Variants in CREBZF observed in about 807,000 individuals in gnomAD.
CREBZF encodes CREB/ATF bZIP transcription factor.
In CREBZF, 8 loss-of-function variants were observed where a neutral mutation model predicts 21.1. That is an observed-to-expected ratio of 0.38 (90% CI 0.22 to 0.68). The LOEUF is 0.68. Among genes scored for constraint, CREBZF ranks in the 30% least tolerant of loss-of-function variants. The pLI is 0.51. For missense variants in CREBZF, 518 were observed against 484.3 expected, an observed-to-expected ratio of 1.07 and a Z score of -0.65; for synonymous variants, 270 against 223.3, an observed-to-expected ratio of 1.21 and a Z score of -1.86.
chr11:85,670,270 T>TC (rs113149256), intron 1 of CREBZF, among the ~76,000 whole-genome samples: 3,838 of 55,820 alleles, frequency 0.069, 145 homozygotes, highest in Middle Eastern at 0.12. Context: ...AACACTTTAA[T>TC]CCCCCCCCCC....
In CREBZF at chr11:85,663,639, G is replaced by A. The variant is rs1194625606; in HGVS notation, c.*172C>T. On this transcript the variant is annotated 3_prime_UTR_variant, in exon 1 of 1. Coordinates refer to ENST00000527447, the MANE Select transcript of CREBZF (RefSeq NM_001039618.4). The stretch of plus-strand genomic sequence containing the variant: ...TTTAATAGTCACATGTTATCATTAG[G>A]AGTTGGTTACTGTGTCACATTCATG... 2.5e-6 allele frequency: 4 copies of A among 1,589,270 alleles called. No individual in the cohort carries two copies. Among genetic ancestry groups the A allele is most frequent in the South Asian group, 1.1e-5 (1 of 88,818 alleles).
rs777311621 is a variant in CREBZF, at chr11:85,664,800, C to T, written c.76G>A (p.Ala26Thr). The change falls in exon 1 of 1, where the codon GCT (alanine) becomes ACT (threonine). Residue 26 changes from alanine to threonine, a missense_variant. Coordinates refer to ENST00000527447, the MANE Select transcript of CREBZF (RefSeq NM_001039618.4). The surrounding 1 kb of genome is among the most constrained non-coding windows in gnomAD (Gnocchi z 5.5). ...SPTRSESPEP[A>T]ATCSLPSDLT... The stretch of plus-strand genomic sequence containing the variant: ...TCAGAGGGCAGCGAACAAGTTGCAG[C>T]CGGCTCCGGGCTCTCACTGCGGGTT... The T allele has an allele frequency of 4.4e-6, 7 of 1,577,700 alleles. No individual in the cohort carries two copies. In the South Asian group the frequency reaches 5.7e-5, roughly 13 times the overall value.
rs764579967 is a variant in CREBZF at position 85,663,900 on chromosome 11, C to A, written c.976G>T (p.Gly326Ter). ...DLLEEDDSAG[G>*]VCLHVDKDKV... is the part of the protein sequence containing the mutation. ...TCCTTGTCCACATGGAGACAGACTC[C>A]TCCCGCCGAGTCGTCCTCTTCCAGC... Residue 326 changes from glycine to a stop codon, truncating the protein, a stop_gained, in exon 1 of 1, where the codon GGA becomes TGA. Transcript: ENST00000527447. LOFTEE classifies it high-confidence loss of function. 2 of 1,613,222 alleles carry A rather than the reference C, an allele frequency of 1.2e-6. No individual in the cohort carries two copies. Among genetic ancestry groups the A allele is most frequent in the Admixed American group, 1.7e-5 (1 of 60,016 alleles).
intron 1 of CREBZF, among the ~76,000 whole-genome samples, chr11:85,681,863 G>A (rs2082978047): frequency 6.6e-6 from 1 of 152,138 alleles, no homozygotes; most frequent in South Asian, 2.1e-4. Context: ...TAGGCTCTGG[G>A]TCACAGATTA....
At chr11:85,676,617 T>A (rs2082944110) in intron 1 of CREBZF, among the ~76,000 whole-genome samples, 1 of 152,046 alleles carries the variant, frequency 6.6e-6, no homozygotes, top group South Asian at 2.1e-4. Context: ...GCAGTGTACA[T>A]CCTTAACTAT....
At chr11:85,669,832 G>C (rs926659998), upstream of CREBZF, among the ~76,000 whole-genome samples, 1 of 152,152 alleles carries the variant, frequency 6.6e-6, no homozygotes, top group Non-Finnish European at 1.5e-5. Context: ...GTTTGAGACA[G>C]AGTCTCACTC....
chr11:85,664,972 T>C lies in CREBZF; in HGVS notation c.-97A>G, dbSNP rs894074796. On this transcript the variant is annotated 5_prime_UTR_variant, in exon 1 of 1. Transcript: ENST00000527447. This position sits in a 1 kb window ranked among gnomAD's most constrained non-coding sequence, Gnocchi z 5.5. ...CCCCAGGGCGGGTAGCCCCCGGCAC[T>C]GGCCGAAACGAAATGCAGGGAAAGG... is the stretch of plus-strand genomic sequence containing the variant. 1 of 828,616 alleles carries C rather than the reference T, an allele frequency of 1.2e-6. No homozygotes were observed. The highest frequency in any genetic ancestry group is 1.7e-6 in the Non-Finnish European group (1 of 591,138). The allele number at this position is 828,616 out of a possible 1,614,324, so 51.3% of individuals were successfully genotyped here. A position where few individuals can be genotyped will look rare whatever the true frequency, so the allele number is the denominator to read the frequency against.
chr11:85,659,202 C>A lies in CREBZF; in HGVS notation c.*4609G>T, dbSNP rs1227832635. Among the ~76,000 whole-genome samples, 2 of 152,006 alleles carry A rather than the reference C, an allele frequency of 1.3e-5. No individual in the cohort carries two copies. The highest frequency in any genetic ancestry group is 2.9e-5 in the Non-Finnish European group (2 of 67,906). On this transcript the variant is annotated 3_prime_UTR_variant, in exon 1 of 1. Coordinates refer to ENST00000527447, the MANE Select transcript of CREBZF (RefSeq NM_001039618.4). Reference sequence around the variant, plus strand: ...GGGGGAAAAAAACATAAATGTCATACTACCAATTAAACTTTCAAGAGTCAT... The same window carrying A: ...GGGGGAAAAAAACATAAATGTCATAATACCAATTAAACTTTCAAGAGTCAT...
Position 85,664,627 on chromosome 11 carries a change from C to T in CREBZF, c.249G>A (p.Met83Ile), listed in dbSNP as rs2082802598. Reference protein sequence around the residue: ...VAVRAPSPEEMEEEAIASLPG... With the variant: ...VAVRAPSPEEIEEEAIASLPG... ...GGAGGCTGGCGATCGCCTCCTCCTC[C>T]ATCTCCTCGGGGGAGGGCGCGCGCA... The change falls in exon 1 of 1, where the codon ATG becomes ATA. Residue 83 changes from methionine (M) to isoleucine (I), a missense_variant. Coordinates refer to ENST00000527447, the MANE Select transcript of CREBZF (RefSeq NM_001039618.4). This position sits in a 1 kb window ranked among gnomAD's most constrained non-coding sequence, Gnocchi z 5.5. 6.2e-7 allele frequency: 1 copy of T among 1,612,686 alleles called. No homozygotes were observed. The highest frequency in any genetic ancestry group is 1.3e-5 in the African/African-American group (1 of 74,916).
intron 1 of CREBZF, among the ~76,000 whole-genome samples, chr11:85,671,076 A>T (rs1462567608): frequency 6.6e-6 from 1 of 152,214 alleles, no homozygotes; most frequent in Non-Finnish European, 1.5e-5. Context: ...TTATAAAGAA[A>T]AGAGGTTTAA....
upstream of CREBZF, among the ~76,000 whole-genome samples, chr11:85,668,799 G>A (rs1243682725): frequency 1.3e-5 from 2 of 151,032 alleles, no homozygotes; most frequent in Admixed American, 6.6e-5. Context: ...TCAGGAGATC[G>A]AGACCATCCT....
intron 1 of CREBZF, among the ~76,000 whole-genome samples, chr11:85,670,724 A>G (rs1369121363): frequency 6.6e-6 from 1 of 152,210 alleles, no homozygotes; most frequent in East Asian, 1.9e-4. Context: ...CAATATCTCG[A>G]TAGATTAGAA....
chr11:85,662,152 A>C lies in CREBZF; in HGVS notation c.*1659T>G, dbSNP rs2082705106. On this transcript the variant is annotated 3_prime_UTR_variant, in exon 1 of 1. Coordinates refer to ENST00000527447, the MANE Select transcript of CREBZF (RefSeq NM_001039618.4). The stretch of plus-strand genomic sequence containing the variant: ...GATTTTACAAAATATGCTGTGATGC[A>C]CTGGAAACCAAAGACCAATTCAGGT... The C allele has an allele frequency of 6.3e-6, 3 of 475,200 alleles. No homozygotes were observed. Among genetic ancestry groups the C allele is most frequent in the Non-Finnish European group, 1.2e-5 (3 of 251,064 alleles). The allele number at this position is 475,200 out of a possible 1,614,324, so 29.4% of individuals were successfully genotyped here. A position where few individuals can be genotyped will look rare whatever the true frequency, so the allele number is the denominator to read the frequency against.
rs746485582 is a variant in CREBZF, at chr11:85,664,809, G to C, written c.67C>G (p.Pro23Ala). 1.9e-6 allele frequency: 3 copies of C among 1,567,888 alleles called. No individual in the cohort carries two copies. Among genetic ancestry groups the C allele is most frequent in the Non-Finnish European group, 2.6e-6 (3 of 1,160,868 alleles). The change falls in exon 1 of 1, where the codon CCG (proline) becomes GCG (alanine). Residue 23 changes from proline to alanine, a missense_variant. Pro to Ala is a conservative substitution (Grantham distance 27). Transcript: ENST00000527447. The surrounding 1 kb of genome is among the most constrained non-coding windows in gnomAD (Gnocchi z 5.5). ...AGCGAACAAGTTGCAGCCGGCTCCGGGCTCTCACTGCGGGTTGGGGAGTTG... is the reference window on the plus strand; with the variant it reads ...AGCGAACAAGTTGCAGCCGGCTCCGCGCTCTCACTGCGGGTTGGGGAGTTG... ...GSNSPTRSES[P>A]EPAATCSLPS...
intron 1 of CREBZF, among the ~76,000 whole-genome samples, chr11:85,677,521 T>C (rs776885700): frequency 1.3e-5 from 2 of 152,232 alleles, no homozygotes; most frequent in Non-Finnish European, 2.9e-5. Context: ...ATTGTCCTAT[T>C]GAATGTCCCA....
chr11:85,670,059 G>A (rs551229091), upstream of CREBZF, among the ~76,000 whole-genome samples: 24 of 151,900 alleles, frequency 1.6e-4, no homozygotes, highest in Non-Finnish European at 2.2e-4. Context: ...TGCCTGTCTC[G>A]GCCTCCCAAA....
rs896519723 is a variant in CREBZF at position 85,658,664 on chromosome 11, G to A, written c.*5147C>T. 6.6e-6 allele frequency among the ~76,000 whole-genome samples: 1 copy of A among 150,820 alleles called. No homozygotes were observed. The highest frequency in any genetic ancestry group is 2.4e-5 in the African/African-American group (1 of 41,074). On this transcript the variant is annotated 3_prime_UTR_variant, in exon 1 of 1. Coordinates refer to ENST00000527447, the MANE Select transcript of CREBZF (RefSeq NM_001039618.4). ...TATTTGGCTTAAAAAAAAAAAAAGA[G>A]GGCTCACATTCTATTTAAATTAAGA...
intron 1 of CREBZF, among the ~76,000 whole-genome samples, chr11:85,676,287 G>A (rs1406675328): frequency 2.0e-5 from 3 of 152,158 alleles, no homozygotes; most frequent in Non-Finnish European, 4.4e-5. Context: ...CTTCTCAAGT[G>A]GAAGTTGTTT....
At chr11:85,665,887 G>A (rs2082853885), upstream of CREBZF, among the ~76,000 whole-genome samples, 1 of 152,182 alleles carries the variant, frequency 6.6e-6, no homozygotes, top group South Asian at 2.1e-4. Context: ...TGAAAACAAA[G>A]ACTGTAAAAA....
Sources: allele counts gnomAD v4.1 joint callset (sites outside exome capture counted in the v4.1 genomes callset), GRCh38; gene constraint gnomAD v4.1.1; non-coding constraint Gnocchi (gnomAD v3.1); transcripts MANE v1.5; gene names NCBI Gene and HGNC (gene_info 2026-07-23, HGNC 2026-07-21).